SNED1: variants seen among roughly 807,000 people sequenced by gnomAD.
SNED1 encodes the protein sushi, nidogen and EGF-like domain-containing protein 1.
SNED1 carries 81 observed loss-of-function variants against 166.7 expected under a neutral mutation model. The ratio of observed to expected loss-of-function variants is 0.49; its 90% CI spans 0.41 to 0.58. SNED1 has a LOEUF of 0.58. Among genes scored for constraint, SNED1 ranks in the 20% least tolerant of loss-of-function variants. SNED1 has a pLI of 0.00. For missense variants in SNED1, 1,604 were observed against 2,000.2 expected (o/e 0.80, Z 3.78); for synonymous variants, 762 against 822.0 (o/e 0.93, Z 1.25).
At chr2:241,009,590 G>A (rs1396795746) in intron 1 of SNED1, among the ~76,000 whole-genome samples, 3 of 152,154 alleles carry the variant, frequency 2.0e-5, no homozygotes, top group Admixed American at 6.5e-5. Flanking sequence ...GGACAGGGAA[G>A]CCACAGGGAG....
chr2:241,019,793 G>A (rs1345307545), intron 1 of SNED1, among the ~76,000 whole-genome samples: 2 of 152,074 alleles, frequency 1.3e-5, no homozygotes, highest in African/African-American at 4.8e-5. Flanking sequence ...CAAATATGAG[G>A]GTGTTAGTGT....
In SNED1 at chr2:241,053,164, G is replaced by A. The variant is rs1340682345; in HGVS notation, c.2095G>A (p.Gly699Ser). 8 of 1,610,200 alleles carry A rather than the reference G, an allele frequency of 5.0e-6. No homozygotes were observed. Among genetic ancestry groups the A allele is most frequent in the East Asian group, 2.2e-5 (1 of 44,818 alleles). ...GRRCQAEVDCGPPEEVKHATL... is the reference protein window; with the variant it reads ...GRRCQAEVDCSPPEEVKHATL... ...GCCGTGCCTTGCAGAGGTGGACTGC[G>A]GCCCCCCGGAGGAGGTGAAGCACGC... Residue 699 changes from glycine (G) to serine (S), a missense_variant, in exon 16 of 32, where the codon GGC becomes AGC. Physicochemically the swap from Gly to Ser is moderately conservative, Grantham distance 56. Around this residue, in one of 2 missense-constraint regions of SNED1, gnomAD observed 1,237 missense variants for 1,620.8 expected, o/e 0.76. Coordinates refer to ENST00000310397, the MANE Select transcript of SNED1 (RefSeq NM_001080437.3).
At chr2:241,022,942 C>T (rs2060813889) in intron 1 of SNED1, among the ~76,000 whole-genome samples, 1 of 152,078 alleles carries the variant, frequency 6.6e-6, no homozygotes, top group South Asian at 2.1e-4. Context: ...GCAATTTGTG[C>T]CTTCTCTTTC....
chr2:241,031,567 C>A (rs921629701), intron 2 of SNED1, among the ~76,000 whole-genome samples: 3 of 152,222 alleles, frequency 2.0e-5, no homozygotes, highest in African/African-American at 7.2e-5. Flanking sequence ...AGAAGCATAA[C>A]CCAGCCAGGG....
Position 241,068,007 on chromosome 2 carries a change from C to T in SNED1, c.3194+60C>T. On this transcript the variant is annotated intron_variant, in intron 22 of 31. Coordinates refer to ENST00000310397, the MANE Select transcript of SNED1 (RefSeq NM_001080437.3). The surrounding 1 kb of genome is among the most constrained non-coding windows in gnomAD (Gnocchi z 5.3). ...GAAGGCAGGGGTGGGGGCTCGGGGA[C>T]ACGGGGCCCAGGTCTCGGGCACATT... The T allele has an allele frequency of 6.8e-7, 1 of 1,469,592 alleles. No homozygotes were observed. Among genetic ancestry groups the T allele is most frequent in the Non-Finnish European group, 9.3e-7 (1 of 1,070,984 alleles). The allele number at this position is 1,469,592 out of a possible 1,614,324, so 91.0% of individuals were successfully genotyped here. A position where few individuals can be genotyped will look rare whatever the true frequency, so the allele number is the denominator to read the frequency against.
chr2:241,050,932 C>G (rs1372442382), intron 12 of SNED1, among the ~76,000 whole-genome samples: 1 of 152,234 alleles, frequency 6.6e-6, no homozygotes, highest in Non-Finnish European at 1.5e-5. Context: ...ACTGCACAGC[C>G]CTCCCCCAGC....
chr2:241,048,796 G>A (rs1162853184), intron 10 of SNED1, 30 bp downstream of exon 10: 1 of 1,534,166 alleles, frequency 6.5e-7, no homozygotes, highest in Non-Finnish European at 8.9e-7. Context: ...TTCCTGCCCT[G>A]TCCCTGAGCA....
intron 4 of SNED1, among the ~76,000 whole-genome samples, chr2:241,036,115 G>A (rs1489610303): frequency 8.0e-6 from 1 of 125,592 alleles, no homozygotes; most frequent in Non-Finnish European, 1.7e-5. Flanking sequence ...GGGGAGTAGA[G>A]GCGCGCCACG....
At chr2:241,008,042 GGGTGAAGGC>G (rs1345974908) in intron 1 of SNED1, among the ~76,000 whole-genome samples, 1 of 152,264 alleles carries the variant, frequency 6.6e-6, no homozygotes, top group Non-Finnish European at 1.5e-5. Flanking sequence ...ACCCTGCCGT[GGGTGAAGGC>G]GGCCGTACCA....
In SNED1 at chr2:241,049,048, A is replaced by G. The variant is rs1421365167; in HGVS notation, c.1531A>G (p.Asn511Asp). 1 of 1,613,424 alleles carries G rather than the reference A, an allele frequency of 6.2e-7. No homozygotes were observed. Among genetic ancestry groups the G allele is most frequent in the Admixed American group, 1.7e-5 (1 of 59,952 alleles). The change falls in exon 11 of 32, where the codon AAC becomes GAC. Residue 511 changes from asparagine to aspartate, a missense_variant. Coordinates refer to ENST00000310397, the MANE Select transcript of SNED1 (RefSeq NM_001080437.3). ...FEITAMPCNM[N>D]TQCPDGGYCM... The stretch of plus-strand genomic sequence containing the variant: ...AATCACAGCCATGCCCTGCAACATG[A>G]ACACACAGTGCCCAGATGGGGGCTA...
In SNED1 at chr2:241,065,450, A is replaced by G. The variant is rs2286321; in HGVS notation, c.2865A>G (p.Thr955=). ...YVSSDGSYRR[T]DFVDRTRSSH... is the part of the protein sequence containing the mutation. ...CCTCCGACGGCTCCTACCGCCGCAC[A>G]GACTTTGTGGACAGGACCCGCTCCT... is the stretch of plus-strand genomic sequence containing the variant. Residue 955 remains threonine (T), a synonymous_variant, in exon 21 of 32, where the codon ACA becomes ACG. Coordinates refer to ENST00000310397, the MANE Select transcript of SNED1 (RefSeq NM_001080437.3). 332,665 of 1,612,800 alleles carry G rather than the reference A, an allele frequency of 0.21. 42,418 individuals carry two copies. Among genetic ancestry groups the G allele is most frequent in the African/African-American group, 0.58 (43,477 of 74,980 alleles).
chr2:241,038,444 A>G (rs537230328), intron 6 of SNED1, among the ~76,000 whole-genome samples: 1 of 152,342 alleles, frequency 6.6e-6, no homozygotes, highest in Non-Finnish European at 1.5e-5. Context: ...CAGGAATGCA[A>G]TGGAAATGTG....
Position 241,064,070 on chromosome 2 carries a change from C to T in SNED1, c.2544C>T (p.Gly848=), listed in dbSNP as rs17852471. ...ATGGAGGCCGGTGTGAGAGCGGCGGCGGGGCCTACCTGTGCGTCTGCCCAG... is the reference window on the plus strand; with the variant it reads ...ATGGAGGCCGGTGTGAGAGCGGCGGTGGGGCCTACCTGTGCGTCTGCCCAG... ...CQHGGRCESG[G]GAYLCVCPES... Residue 848 remains glycine (G), a synonymous_variant, in exon 19 of 32, where the codon GGC becomes GGT. Coordinates refer to ENST00000310397, the MANE Select transcript of SNED1 (RefSeq NM_001080437.3). The surrounding 1 kb of genome is among the most constrained non-coding windows in gnomAD (Gnocchi z 7.0). The T allele has an allele frequency of 0.18, 275,200 of 1,566,754 alleles. 26,345 individuals carry two copies. The highest frequency in any genetic ancestry group is 0.41 in the East Asian group (17,302 of 41,744).
intron 16 of SNED1, among the ~76,000 whole-genome samples, chr2:241,060,126 G>A (rs2062185686): frequency 6.6e-6 from 1 of 151,876 alleles, no homozygotes; most frequent in East Asian, 1.9e-4. Flanking sequence ...TCAAAAACAT[G>A]ATAAATTTTT....
chr2:241,030,327 A>C lies in SNED1; in HGVS notation c.257A>C (p.Gln86Pro), dbSNP rs1330307978. Residue 86 changes from glutamine to proline, a missense_variant, in exon 2 of 32, where the codon CAG (glutamine) becomes CCG (proline). This residue lies in a region of SNED1 where 1,237 missense variants were observed against 1,620.8 expected (regional missense o/e 0.76). Transcript: ENST00000310397. ...ATCTCCTTCCTGAAGGAGGTTTCTC[A>C]GTTCACCCCAGTGGCCTTCCCCATT... ...GIISFLKEVSQFTPVAFPIAK... is the reference protein window; with the variant it reads ...GIISFLKEVSPFTPVAFPIAK... 1 of 1,603,738 alleles carries C rather than the reference A, an allele frequency of 6.2e-7. No homozygotes were observed.
chr2:241,020,697 G>C (rs978463537), intron 1 of SNED1, among the ~76,000 whole-genome samples: 1 of 152,182 alleles, frequency 6.6e-6, no homozygotes, highest in Non-Finnish European at 1.5e-5. Context: ...ACAAGTGCTC[G>C]CTGCAGGCCA....
At position 241,064,130 on chromosome 2, in the gene SNED1, G is replaced by A; in HGVS notation, c.2599+5G>A. On this transcript the variant is annotated splice_donor_5th_base_variant and intron_variant, in intron 19 of 31. Transcript: ENST00000310397. This position sits in a 1 kb window ranked among gnomAD's most constrained non-coding sequence, Gnocchi z 7.0. ...TCGGCTACCACTGCGAGACAGGTAGGGCGGCAGGCCTGCCTGCTCCCCGCC... is the reference window on the plus strand; with the variant it reads ...TCGGCTACCACTGCGAGACAGGTAGAGCGGCAGGCCTGCCTGCTCCCCGCC... 2 of 1,544,900 alleles carry A rather than the reference G, an allele frequency of 1.3e-6. No individual in the cohort carries two copies. The highest frequency in any genetic ancestry group is 1.7e-4 in the Middle Eastern group (1 of 5,846).
chr2:241,072,930 G>A lies in SNED1; in HGVS notation c.3818-336G>A, dbSNP rs1024892410. 6 of 362,780 alleles carry A rather than the reference G, an allele frequency of 1.7e-5. No individual in the cohort carries two copies. The Admixed American group carries it at 2.1e-4, about 13-fold the overall frequency. 22.5% of individuals were successfully genotyped at this position (362,780 alleles called of 1,614,324 possible). ...CCTCCAAGAAGCAGGGGTGGAAGGAGAGGAATGCAGAATTTGACCCTAAGA... is the reference window on the plus strand; with the variant it reads ...CCTCCAAGAAGCAGGGGTGGAAGGAAAGGAATGCAGAATTTGACCCTAAGA... On this transcript the variant is annotated intron_variant, in intron 26 of 31. Transcript: ENST00000310397.
At chr2:241,090,728 A>G (rs2063901628) in intron 31 of SNED1, among the ~76,000 whole-genome samples, 1 of 152,148 alleles carries the variant, frequency 6.6e-6, no homozygotes, top group Non-Finnish European at 1.5e-5. Flanking sequence ...TTAGTCAGAC[A>G]TGGTGGTGGG....
Sources: gnomAD v4.1 joint callset for allele counts (sites outside exome capture counted in the v4.1 genomes callset) on GRCh38, gnomAD v4.1.1 for gene constraint, gnomAD v4.1.1 regional missense constraint, Gnocchi (gnomAD v3.1) non-coding constraint, MANE v1.5 for transcripts, NCBI Gene and HGNC (gene_info 2026-07-23, HGNC 2026-07-21) for gene names.